COL4A6: variants seen among roughly 807,000 people sequenced by gnomAD.
COL4A6 encodes the protein collagen type IV alpha 6 chain.
In COL4A6, 59 loss-of-function variants were observed where a neutral mutation model predicts 126.7. That is an observed-to-expected ratio of 0.47 (90% confidence interval 0.38 to 0.58). The LOEUF (loss-of-function observed/expected upper bound fraction) is 0.58, where lower values mean the gene tolerates loss of function less well. Ranked by LOEUF, COL4A6 falls within the 20% of genes least tolerant of loss-of-function variation. The pLI is 0.00. For missense variants in COL4A6, 1,285 were observed against 1,337.3 expected (o/e 0.96, Z 0.61); for synonymous variants, 547 against 496.6 (o/e 1.10, Z -1.35).
Position 108,239,065 on chromosome X carries a change from C to T in COL4A6, c.145-17691G>A, listed in dbSNP as rs142598697. Among the ~76,000 whole-genome samples, 798 of 111,935 alleles carry T rather than the reference C, an allele frequency of 7.1e-3. 8 individuals carry two copies. Among genetic ancestry groups the T allele is most frequent in the African/African-American group, 0.025 (759 of 30,791 alleles). ...ATTGTGTCTTCTGCCTTTTTCTTGTCGATTTACCAGAGTTCCTTGGACATT... is the reference window on the plus strand; with the variant it reads ...ATTGTGTCTTCTGCCTTTTTCTTGTTGATTTACCAGAGTTCCTTGGACATT... On this transcript the variant is annotated intron_variant, in intron 3 of 44. Coordinates refer to ENST00000334504, the MANE Select transcript of COL4A6 (RefSeq NM_033641.4).
intron 2 of COL4A6, among the ~76,000 whole-genome samples, chrX:108,319,231 G>A (rs1390455725): frequency 1.8e-5 from 2 of 112,176 alleles, no homozygotes; most frequent in Non-Finnish European, 3.8e-5. Flanking sequence ...TTAGACAGGT[G>A]TGATGGCATG....
At position 108,243,759 on chromosome X, in the gene COL4A6, C is replaced by G. The variant is rs6622303; in HGVS notation, c.145-22385G>C. Among the ~76,000 whole-genome samples, 117 of 111,673 alleles carry G rather than the reference C, an allele frequency of 1.0e-3. 3 individuals are homozygous for G. In the East Asian group the frequency reaches 0.031, roughly 30 times the overall value. ...ATGTCAAAGATGCATCACTCACATA[C>G]CCATGCATCACTCACATACCCATGC... On this transcript the variant is annotated intron_variant, in intron 3 of 44. Coordinates refer to ENST00000334504, the MANE Select transcript of COL4A6 (RefSeq NM_033641.4).
Position 108,188,571 on chromosome X carries a change from T to C in COL4A6, c.1533A>G (p.Lys511=), listed in dbSNP as rs139333183. The C allele has an allele frequency of 2.7e-4, 318 of 1,197,677 alleles. 2 individuals carry two copies. The highest frequency in any genetic ancestry group is 3.6e-4 in the Admixed American group (16 of 44,435). The change falls in exon 21 of 45, where the codon AAA becomes AAG. Residue 511 remains lysine (K), a synonymous_variant. Transcript: ENST00000334504. The stretch of plus-strand genomic sequence containing the variant: ...CAGAGCCTCGATCTCCTCTGGCTCC[T>C]TTAAGGCCTGGAAGGCCTATGAGAC... The part of the protein sequence containing the change: ...PWGLIGLPGL[K]GARGDRGSGG...
chrX:108,403,490 T>C (rs1446387069), intron 2 of COL4A6, among the ~76,000 whole-genome samples: 3 of 110,793 alleles, frequency 2.7e-5, no homozygotes, highest in Non-Finnish European at 5.7e-5. Context: ...TACTCTTGTT[T>C]TTCTATCCCC....
chrX:108,196,599 A>G lies in COL4A6; in HGVS notation c.835-20T>C. 1 of 1,146,058 alleles carries G rather than the reference A, an allele frequency of 8.7e-7. No individual in the cohort carries two copies. Among genetic ancestry groups the G allele is most frequent in the Non-Finnish European group, 1.2e-6 (1 of 848,942 alleles). 94.4% of individuals were successfully genotyped at this position (1,146,058 alleles called of 1,213,427 possible). A position where few individuals can be genotyped will look rare whatever the true frequency, so the allele number is the denominator to read the frequency against. ...AAGGCCCTAAATGAAAAAAGAAACC[A>G]CAAGTTATAACGTTTGTTTTCTTGT... is the stretch of plus-strand genomic sequence containing the variant. On this transcript the variant is annotated intron_variant, in intron 13 of 44. Transcript: ENST00000334504.
At position 108,164,956 on chromosome X, in the gene COL4A6, T is replaced by C. The variant is rs1400970839; in HGVS notation, c.3891A>G (p.Gly1297=). The C allele has an allele frequency of 8.3e-7, 1 of 1,209,837 alleles. No individual in the cohort carries two copies. Among genetic ancestry groups the C allele is most frequent in the Admixed American group, 2.2e-5 (1 of 45,856 alleles). The part of the protein sequence containing the change: ...QGDTGDPGFP[G]IPGPKGPKGD... ...CCTTAGGCCCTTTAGGTCCAGGAATTCCAGGGAAGCCAGGGTCTCCGGTGT... is the reference window on the plus strand; with the variant it reads ...CCTTAGGCCCTTTAGGTCCAGGAATCCCAGGGAAGCCAGGGTCTCCGGTGT... The change falls in exon 39 of 45, where the codon GGA becomes GGG. Residue 1297 remains glycine (G), a synonymous_variant. Transcript: ENST00000334504.
chrX:108,217,074 C>G (rs778835394), intron 5 of COL4A6, among the ~76,000 whole-genome samples: 6 of 112,202 alleles, frequency 5.3e-5, no homozygotes, highest in Non-Finnish European at 9.4e-5. Context: ...TGTTGACTAT[C>G]TTAGGAATGC....
chrX:108,174,288 C>A, intron 31 of COL4A6, 152 bp downstream of exon 31: 2 of 509,899 alleles, frequency 3.9e-6, no homozygotes, highest in Non-Finnish European at 3.3e-6. Context: ...GTGGGAAGAC[C>A]TGTCAGACTC....
At chrX:108,209,435 AG>A (rs1288979967) in intron 8 of COL4A6, among the ~76,000 whole-genome samples, 5 of 112,095 alleles carry the variant, frequency 4.5e-5, no homozygotes, top group Non-Finnish European at 9.4e-5. Context: ...AATACAGGAA[AG>A]GGAAAGAAAG....
chrX:108,267,048 T>C (rs2037322992), intron 3 of COL4A6, among the ~76,000 whole-genome samples: 1 of 112,248 alleles, frequency 8.9e-6, no homozygotes, highest in African/African-American at 3.2e-5. Flanking sequence ...AGTCAAGCTA[T>C]TGGCAGAATG....
At chrX:108,413,264 A>AT (rs760741262) in intron 2 of COL4A6, among the ~76,000 whole-genome samples, 1 of 111,577 alleles carries the variant, frequency 9.0e-6, no homozygotes, top group East Asian at 2.8e-4. Flanking sequence ...TAATCTTAAC[A>AT]TATTTTAAAA....
intron 2 of COL4A6, among the ~76,000 whole-genome samples, chrX:108,390,690 G>A (rs1051295635): frequency 1.8e-5 from 2 of 109,751 alleles, no homozygotes; most frequent in Admixed American, 9.8e-5. Flanking sequence ...TCTTTAGCTC[G>A]GAGGAGTTTG....
intron 3 of COL4A6, among the ~76,000 whole-genome samples, chrX:108,308,563 G>A (rs2038683640): frequency 8.9e-6 from 1 of 112,031 alleles, no homozygotes; most frequent in Non-Finnish European, 1.9e-5. Flanking sequence ...ATATGTCCAG[G>A]AAATTCACAG....
intron 2 of COL4A6, among the ~76,000 whole-genome samples, chrX:108,384,216 C>G (rs190007102): frequency 8.9e-6 from 1 of 111,763 alleles, no homozygotes; most frequent in East Asian, 2.8e-4. Context: ...CCCATCCACC[C>G]AGACATCTAT....
intron 3 of COL4A6, among the ~76,000 whole-genome samples, chrX:108,280,117 A>G (rs2037755866): frequency 9.0e-6 from 1 of 111,616 alleles, no homozygotes; most frequent in Non-Finnish European, 1.9e-5. Context: ...TTCAAAAGCT[A>G]GCAGAAGGCA....
At chrX:108,221,065 T>C (rs1457798372) in intron 4 of COL4A6, 175 bp downstream of exon 4, 1 of 599,681 alleles carries the variant, frequency 1.7e-6, no homozygotes, top group East Asian at 3.6e-5. Flanking sequence ...GCCATTGTAC[T>C]CCAGCCTGGG....
At chrX:108,375,940 C>T (rs1000703788) in intron 2 of COL4A6, among the ~76,000 whole-genome samples, 2 of 111,157 alleles carry the variant, frequency 1.8e-5, no homozygotes, top group Non-Finnish European at 3.8e-5. Flanking sequence ...TTAAAATAGT[C>T]TTTCTGCTCC....
At chrX:108,427,516 T>C (rs2064108150) in intron 2 of COL4A6, among the ~76,000 whole-genome samples, 1 of 108,239 alleles carries the variant, frequency 9.2e-6, no homozygotes, top group Non-Finnish European at 1.9e-5. Context: ...GCAGAAGGAG[T>C]GAATATGCAC....
At chrX:108,185,140 C>G (rs978794621) in intron 23 of COL4A6, among the ~76,000 whole-genome samples, 1 of 111,108 alleles carries the variant, frequency 9.0e-6, no homozygotes, top group African/African-American at 3.3e-5. Flanking sequence ...ATCTGTAATC[C>G]CAGCATTTTG....
Sources: gnomAD v4.1 joint callset for allele counts (sites outside exome capture counted in the v4.1 genomes callset) on GRCh38, gnomAD v4.1.1 for gene constraint, MANE v1.5 for transcripts, NCBI Gene and HGNC (gene_info 2026-07-23, HGNC 2026-07-21) for gene names.